Variants in TEX9 observed in about 807,000 individuals in gnomAD.
TEX9 encodes the protein testis-expressed protein 9.
Under a neutral mutation model 59.6 loss-of-function variants are expected in TEX9, and 74 were observed. The observed-to-expected ratio is 1.24, with a 90% CI of 1.03 to 1.51. The LOEUF (loss-of-function observed/expected upper bound fraction) is 1.51, where lower values mean the gene tolerates loss of function less well. TEX9 is among the 40% of genes most tolerant of loss of function. TEX9 has a pLI of 0.00. For synonymous variants in TEX9, 186 were observed against 152.2 expected (o/e 1.22, Z -1.64); for missense variants, 522 against 447.8 (o/e 1.17, Z -1.49).
intron 1 of TEX9, among the ~76,000 whole-genome samples, chr15:56,250,409 A>C (rs1172671425): frequency 6.6e-6 from 1 of 152,118 alleles, no homozygotes; most frequent in African/African-American, 2.4e-5. Context: ...GACAAGTCCG[A>C]AGGGAAAGGC....
At chr15:56,373,643 A>G (rs938294752) in intron 3 of TEX9, 139 bp downstream of exon 3, 3 of 609,202 alleles carry the variant, frequency 4.9e-6, no homozygotes, top group Non-Finnish European at 7.9e-6. Flanking sequence ...TTGAACATGA[A>G]TATATATGCA....
intron 1 of TEX9, among the ~76,000 whole-genome samples, chr15:56,276,224 C>T (rs1395194510): frequency 6.6e-6 from 1 of 151,886 alleles, no homozygotes; most frequent in African/African-American, 2.4e-5. Context: ...AGGTTTGTTA[C>T]ATAGGTATAC....
intron 10 of TEX9, among the ~76,000 whole-genome samples, chr15:56,422,962 A>G (rs1183573905): frequency 6.6e-6 from 1 of 152,166 alleles, no homozygotes; most frequent in Non-Finnish European, 1.5e-5. Flanking sequence ...GGTTGATCAA[A>G]GTTGTAGCAT....
In TEX9 at chr15:56,391,433, G is replaced by GT; in HGVS notation, c.571+21dup. ...CATTGGAACAGGTAGATTTTCTTTA[G>GT]TTTTTTATTTTTATCTTTATAGCAC... On this transcript the variant is annotated intron_variant, in intron 7 of 12. Transcript: ENST00000352903. 2.0e-6 allele frequency: 3 copies of GT among 1,471,804 alleles called. No homozygotes were observed. Among genetic ancestry groups the GT allele is most frequent in the African/African-American group, 1.4e-5 (1 of 70,028 alleles). The allele number at this position is 1,471,804 out of a possible 1,614,324, so 91.2% of individuals were successfully genotyped here.
chr15:56,329,970 C>T (rs1312124864), intron 1 of TEX9, among the ~76,000 whole-genome samples: 1 of 151,060 alleles, frequency 6.6e-6, no homozygotes, highest in Non-Finnish European at 1.5e-5. Flanking sequence ...TACCTCAAGG[C>T]ATTTAATAAA....
intron 1 of TEX9, among the ~76,000 whole-genome samples, chr15:56,289,776 T>TA (rs1453370893): frequency 6.6e-6 from 1 of 152,150 alleles, no homozygotes; most frequent in East Asian, 1.9e-4. Flanking sequence ...ATGCGTGGAC[T>TA]ACAGCTCTGG....
At chr15:56,280,425 G>A (rs2044787164) in intron 1 of TEX9, among the ~76,000 whole-genome samples, 1 of 152,076 alleles carries the variant, frequency 6.6e-6, no homozygotes, top group Non-Finnish European at 1.5e-5. Flanking sequence ...CTTAGGAGAG[G>A]GATAACCTTC....
chr15:56,425,772 T>A (rs933225118), intron 10 of TEX9, among the ~76,000 whole-genome samples: 3 of 152,162 alleles, frequency 2.0e-5, no homozygotes, highest in African/African-American at 7.2e-5. Flanking sequence ...TTTCCCTGTT[T>A]CTTTGAATGT....
At chr15:56,302,245 T>G (rs546641645) in intron 1 of TEX9, among the ~76,000 whole-genome samples, 1 of 152,006 alleles carries the variant, frequency 6.6e-6, no homozygotes, top group Admixed American at 6.6e-5. Context: ...CCCACCACTT[T>G]GTGAGGCCAA....
chr15:56,244,934 G>A (rs1255823568), intron 1 of TEX9, among the ~76,000 whole-genome samples: 2 of 152,148 alleles, frequency 1.3e-5, no homozygotes, highest in African/African-American at 4.8e-5. Context: ...CTGCGTGGAT[G>A]TAGAATACAA....
At chr15:56,450,820 A>G (rs1253249296), downstream of TEX9, among the ~76,000 whole-genome samples, 1 of 152,130 alleles carries the variant, frequency 6.6e-6, no homozygotes, top group African/African-American at 2.4e-5. Flanking sequence ...ACTTTTTCCC[A>G]TAGCACCTGC....
At chr15:56,434,861 A>G (rs917821928) in intron 12 of TEX9, among the ~76,000 whole-genome samples, 1 of 152,082 alleles carries the variant, frequency 6.6e-6, no homozygotes, top group African/African-American at 2.4e-5. Context: ...TATTCCCTTC[A>G]TTCTCCAAAA....
At chr15:56,294,852 A>G (rs1250920516) in intron 1 of TEX9, among the ~76,000 whole-genome samples, 1 of 152,162 alleles carries the variant, frequency 6.6e-6, no homozygotes, top group Non-Finnish European at 1.5e-5. Flanking sequence ...GTATATCTAT[A>G]TACCAATTAG....
At chr15:56,439,804 G>T (rs1596258896) in intron 12 of TEX9, among the ~76,000 whole-genome samples, 1 of 141,232 alleles carries the variant, frequency 7.1e-6, no homozygotes, top group African/African-American at 2.6e-5. Flanking sequence ...AAACCTTTAG[G>T]AAAAAAAAAA....
chr15:56,388,568 C>T (rs111629422), intron 5 of TEX9, 48 bp downstream of exon 5: 50 of 1,525,670 alleles, frequency 3.3e-5, no homozygotes, highest in African/African-American at 1.6e-4. Flanking sequence ...TGTAGAACTC[C>T]GGATATTTTT....
chr15:56,415,295 C>T (rs916451618), intron 10 of TEX9, among the ~76,000 whole-genome samples: 3 of 151,810 alleles, frequency 2.0e-5, no homozygotes, highest in Non-Finnish European at 2.9e-5. Context: ...CTGTCTTTGT[C>T]GTGAAATCTT....
chr15:56,273,683 T>C (rs2044603018), intron 1 of TEX9, among the ~76,000 whole-genome samples: 1 of 152,238 alleles, frequency 6.6e-6, no homozygotes, highest in Non-Finnish European at 1.5e-5. Flanking sequence ...CTTCTTTATG[T>C]ATGAAAGATA....
At chr15:56,460,003 A>ATATATATATATATATATATATATAT in the TEX9 span, among the ~76,000 whole-genome samples, 8 of 32,856 alleles carry the variant, frequency 2.4e-4, no homozygotes, top group African/African-American at 9.0e-4. Flanking sequence ...AAAAAAAAAA[A>ATATATATATATATATATATATATAT]AAAAAAATAC....
intron 1 of TEX9, among the ~76,000 whole-genome samples, chr15:56,324,336 T>C (rs545665571): frequency 6.6e-6 from 1 of 152,286 alleles, no homozygotes; most frequent in South Asian, 2.1e-4. Context: ...TACAAGTCTA[T>C]ACTTTAATTT....
Sources: allele counts gnomAD v4.1 joint callset (sites outside exome capture counted in the v4.1 genomes callset), GRCh38; gene constraint gnomAD v4.1.1; transcripts MANE v1.5; gene names NCBI Gene and HGNC (gene_info 2026-07-23, HGNC 2026-07-21).